The following TMEM196 variants were observed in gnomAD, a reference collection of about 807,000 sequenced individuals.
The protein encoded by TMEM196 is transmembrane protein 196.
A neutral mutation model predicts 20.0 loss-of-function variants in TMEM196; 17 were observed. The ratio of observed to expected loss-of-function variants is 0.85; its 90% CI spans 0.58 to 1.27. The LOEUF (loss-of-function observed/expected upper bound fraction) is 1.27. Ranked by LOEUF, TMEM196 falls within the 50% of genes most tolerant of loss-of-function variation. The probability of loss-of-function intolerance (pLI) is 0.00; values close to 1 mark genes in which losing one functional copy is unlikely to be tolerated. For synonymous variants in TMEM196, 113 were observed against 88.9 expected (o/e 1.27, Z -1.52); for missense variants, 267 against 223.0 (o/e 1.20, Z -1.26).
At chr7:19,758,088 T>C (rs998828057) in intron 1 of TMEM196, among the ~76,000 whole-genome samples, 13 of 152,126 alleles carry the variant, frequency 8.5e-5, no homozygotes, top group Admixed American at 5.2e-4. Flanking sequence ...CTAATGACTT[T>C]GACATTTCCA....
At chr7:19,734,710 C>T (rs1040598765) in intron 1 of TMEM196, among the ~76,000 whole-genome samples, 1 of 152,166 alleles carries the variant, frequency 6.6e-6, no homozygotes, top group Non-Finnish European at 1.5e-5. Flanking sequence ...CCTGGAGCCT[C>T]CAGAAAGAAT....
At position 19,742,199 on chromosome 7, in the gene TMEM196, T is replaced by C. The variant is rs148742867; in HGVS notation, c.148-12761A>G. Among the ~76,000 whole-genome samples the C allele has an allele frequency of 3.4e-3, 511 of 152,298 alleles. 8 individuals carry two copies. Among genetic ancestry groups the C allele is most frequent in the African/African-American group, 0.012 (487 of 41,578 alleles). On this transcript the variant is annotated intron_variant, in intron 1 of 4. Coordinates refer to ENST00000405844, the MANE Select transcript of TMEM196 (RefSeq NM_001363562.2). ...TACATTTTTAAATAGGGTCAATTTC[T>C]TTGTTATCTTATGGTTATTTTAACC...
At chr7:19,752,782 T>G (rs2128031674) in intron 1 of TMEM196, among the ~76,000 whole-genome samples, 1 of 152,020 alleles carries the variant, frequency 6.6e-6, no homozygotes, top group South Asian at 2.1e-4. Context: ...GCCTGGCTAA[T>G]TTTTGTATTT....
chr7:19,755,534 TA>T (rs1308866489), intron 1 of TMEM196, among the ~76,000 whole-genome samples: 4 of 152,120 alleles, frequency 2.6e-5, no homozygotes, highest in African/African-American at 9.7e-5. Flanking sequence ...ATTTTACTAG[TA>T]AAAAAATAAG....
chr7:19,749,719 T>C (rs1784888685), intron 1 of TMEM196, among the ~76,000 whole-genome samples: 1 of 152,148 alleles, frequency 6.6e-6, no homozygotes, highest in Admixed American at 6.5e-5. Flanking sequence ...ATTTTTCTCA[T>C]CTATTTTTGT....
intron 1 of TMEM196, among the ~76,000 whole-genome samples, chr7:19,770,311 A>ATTGG (rs1333903545): frequency 6.6e-6 from 1 of 152,036 alleles, no homozygotes; most frequent in African/African-American, 2.4e-5. Flanking sequence ...ACTCATCTTT[A>ATTGG]TAGTATTGGT....
chr7:19,729,502 T>C (rs1784122601), intron 1 of TMEM196, 64 bp from the exon 2 acceptor site: 2 of 1,455,838 alleles, frequency 1.4e-6, no homozygotes, highest in South Asian at 1.3e-5. Context: ...AGATTTTAGC[T>C]TGTAGTTCAC....
intron 1 of TMEM196, among the ~76,000 whole-genome samples, chr7:19,735,573 G>A (rs1193764835): frequency 6.6e-6 from 1 of 152,048 alleles, no homozygotes; most frequent in African/African-American, 2.4e-5. Flanking sequence ...GCAACTAAGA[G>A]TAAAAAAGGC....
intron 1 of TMEM196, among the ~76,000 whole-genome samples, chr7:19,761,741 A>G (rs10486365): frequency 0.16 from 24,115 of 152,182 alleles, 2,394 homozygotes; most frequent in East Asian, 0.44. Flanking sequence ...GAACTTAAGA[A>G]TAAATTTCGG....
At chr7:19,757,281 C>G (rs753552987) in intron 1 of TMEM196, among the ~76,000 whole-genome samples, 6 of 145,070 alleles carry the variant, frequency 4.1e-5, no homozygotes, top group Non-Finnish European at 9.0e-5. Flanking sequence ...TCAAGCGATT[C>G]TCTCATCTCA....
intron 1 of TMEM196, among the ~76,000 whole-genome samples, chr7:19,747,986 C>G (rs538278969): frequency 7.2e-5 from 11 of 152,096 alleles, no homozygotes; most frequent in South Asian, 2.1e-4. Flanking sequence ...AAATATTGAT[C>G]GTTACCTCTA....
intron 3 of TMEM196, among the ~76,000 whole-genome samples, chr7:19,725,063 T>C (rs1157386127): frequency 6.6e-6 from 1 of 152,188 alleles, no homozygotes; most frequent in Non-Finnish European, 1.5e-5. Flanking sequence ...AGACAAGGCT[T>C]TTTGTCACCT....
intron 1 of TMEM196, among the ~76,000 whole-genome samples, chr7:19,757,153 G>C (rs1323637408): frequency 1.3e-5 from 2 of 149,972 alleles, no homozygotes; most frequent in African/African-American, 4.9e-5. Flanking sequence ...CCCAAAACTT[G>C]CATCTTATAT....
chr7:19,744,548 G>A (rs1219628679), intron 1 of TMEM196, among the ~76,000 whole-genome samples: 1 of 148,328 alleles, frequency 6.7e-6, no homozygotes, highest in Admixed American at 6.6e-5. Flanking sequence ...TAAAAAACAT[G>A]TGGGTTTTGG....
intron 1 of TMEM196, among the ~76,000 whole-genome samples, chr7:19,734,095 T>C (rs549251935): frequency 5.9e-5 from 9 of 152,126 alleles, no homozygotes; most frequent in African/African-American, 1.9e-4. Context: ...TTCCAGCACA[T>C]AAGCACAAGG....
rs1783980429 is a variant in TMEM196, at chr7:19,725,766, C to A, written c.207G>T (p.Met69Ile). The A allele has an allele frequency of 6.3e-7, 1 of 1,589,116 alleles. No homozygotes were observed. The highest frequency in any genetic ancestry group is 1.7e-5 in the Admixed American group (1 of 58,040). Residue 69 changes from methionine (M) to isoleucine (I), a missense_variant and splice_region_variant, in exon 3 of 5, where the codon ATG becomes ATT. Coordinates refer to ENST00000405844, the MANE Select transcript of TMEM196 (RefSeq NM_001363562.2). Reference protein sequence around the residue: ...LCAKKKSGLVMILFSACCICG... With the variant: ...LCAKKKSGLVIILFSACCICG... ...AGATACAGCAGGCTGAAAAGAGGAT[C>A]ATCTGATAAGAAAAAGAAAGGCAGC...
rs1166097021 is a variant in TMEM196, at chr7:19,721,252, A to G, written c.*876T>C. On this transcript the variant is annotated 3_prime_UTR_variant, in exon 5 of 5. Coordinates refer to ENST00000405844, the MANE Select transcript of TMEM196 (RefSeq NM_001363562.2). ...TCTATTGGAGTAGAATCTTAATAAT[A>G]CCCCCACAGCATCACAATTTCTTTT... 2 of 151,798 alleles carry G rather than the reference A, an allele frequency of 1.3e-5. No individual in the cohort carries two copies. The highest frequency in any genetic ancestry group is 3.0e-5 in the Non-Finnish European group (2 of 67,790). 9.4% of individuals were successfully genotyped at this position (151,798 alleles called of 1,614,324 possible).
chr7:19,771,104 A>G (rs1341059351), intron 1 of TMEM196, among the ~76,000 whole-genome samples: 1 of 152,162 alleles, frequency 6.6e-6, no homozygotes, highest in African/African-American at 2.4e-5. Context: ...TGTTTATATG[A>G]TAACAACAAA....
chr7:19,760,003 A>G (rs1340908761), intron 1 of TMEM196, among the ~76,000 whole-genome samples: 1 of 152,182 alleles, frequency 6.6e-6, no homozygotes, highest in Non-Finnish European at 1.5e-5. Flanking sequence ...AAAGTTTTCC[A>G]TAGATCCTTT....
Sources: gnomAD v4.1 joint callset for allele counts (sites outside exome capture counted in the v4.1 genomes callset) on GRCh38, gnomAD v4.1.1 for gene constraint, MANE v1.5 for transcripts, NCBI Gene and HGNC (gene_info 2026-07-23, HGNC 2026-07-21) for gene names.